Variants in FAM193A observed in about 807,000 individuals in gnomAD.
FAM193A encodes the protein protein FAM193A.
A neutral mutation model predicts 126.5 loss-of-function variants in FAM193A; 22 were observed. That is an observed-to-expected ratio of 0.17 (90% CI 0.12 to 0.25). The LOEUF (loss-of-function observed/expected upper bound fraction) is 0.25. Among genes scored for constraint, FAM193A ranks in the 10% least tolerant of loss-of-function variants. FAM193A has a pLI of 1.00. For missense variants in FAM193A, 1,675 were observed against 1,672.8 expected (o/e 1.00, Z -0.02); for synonymous variants, 761 against 646.8 (o/e 1.18, Z -2.68).
chr4:2,636,820 C>CT (rs1374817397), intron 5 of FAM193A, among the ~76,000 whole-genome samples: 1 of 152,158 alleles, frequency 6.6e-6, no homozygotes, highest in Non-Finnish European at 1.5e-5. Flanking sequence ...TGTTAATTTG[C>CT]TGTGCAAACT....
intron 1 of FAM193A, among the ~76,000 whole-genome samples, chr4:2,579,709 C>CAA (rs551107178): frequency 7.2e-6 from 1 of 139,596 alleles, no homozygotes; most frequent in Non-Finnish European, 1.6e-5. Flanking sequence ...AAAAACAAAA[C>CAA]AAAAAAAAAC....
Position 2,549,094 on chromosome 4 carries a change from A to G in FAM193A, c.255+11924A>G, listed in dbSNP as rs544320666. Reference sequence around the variant, plus strand: ...CTGGAATTAACAGGCGTGTGCCATCATGCCTGGCTAATTTTTGTATATTTA... The same window carrying G: ...CTGGAATTAACAGGCGTGTGCCATCGTGCCTGGCTAATTTTTGTATATTTA... On this transcript the variant is annotated intron_variant, in intron 1 of 20. Transcript: ENST00000637812. 6.6e-5 allele frequency among the ~76,000 whole-genome samples: 10 copies of G among 150,378 alleles called. No individual in the cohort carries two copies. In the South Asian group the frequency reaches 2.1e-3, roughly 32 times the overall value.
intron 1 of FAM193A, among the ~76,000 whole-genome samples, chr4:2,552,198 A>G (rs1009754334): frequency 1.3e-4 from 19 of 151,906 alleles, no homozygotes; most frequent in Middle Eastern, 6.8e-3. Flanking sequence ...TTTTTAGTAG[A>G]GACGGGGTTT....
rs1238289626 is a variant in FAM193A, at chr4:2,731,816, C to CT, written c.4497dup (p.Ile1500TyrfsTer7). On this transcript the variant is annotated frameshift_variant, in exon 21 of 21. Coordinates refer to ENST00000637812, the MANE Select transcript of FAM193A (RefSeq NM_001366318.2). LOFTEE classifies it high-confidence loss of function. Reference sequence around the variant, plus strand: ...GCTAGACAGACCCGACAAAGACTGTCTATCAACTGGTCCAATTTTAGCTTG... The same window carrying CT: ...GCTAGACAGACCCGACAAAGACTGTCTTATCAACTGGTCCAATTTTAGCTTG... 1 of 1,614,070 alleles carries CT rather than the reference C, an allele frequency of 6.2e-7. No homozygotes were observed. Among genetic ancestry groups the CT allele is most frequent in the Non-Finnish European group, 8.5e-7 (1 of 1,180,032 alleles).
At chr4:2,670,134 T>A (rs1713622992) in intron 12 of FAM193A, among the ~76,000 whole-genome samples, 1 of 152,198 alleles carries the variant, frequency 6.6e-6, no homozygotes, top group East Asian at 1.9e-4. Context: ...TCCCCTCATC[T>A]CTTCTCTCTC....
intron 1 of FAM193A, among the ~76,000 whole-genome samples, chr4:2,592,896 G>A (rs1401851015): frequency 6.6e-6 from 1 of 152,162 alleles, no homozygotes; most frequent in African/African-American, 2.4e-5. Context: ...AGCTCACACA[G>A]GGCCAGGAGC....
At chr4:2,584,902 C>T (rs561061854) in intron 1 of FAM193A, among the ~76,000 whole-genome samples, 34 of 151,544 alleles carry the variant, frequency 2.2e-4, no homozygotes, top group Admixed American at 2.0e-3. Context: ...TCCAGCCTGG[C>T]GACAGAGCAA....
At chr4:2,682,143 C>T (rs1715217576) in intron 13 of FAM193A, among the ~76,000 whole-genome samples, 1 of 151,964 alleles carries the variant, frequency 6.6e-6, no homozygotes, top group South Asian at 2.1e-4. Context: ...CACCACCATG[C>T]CCGGCTAATT....
chr4:2,668,477 C>G (rs1049999814), intron 12 of FAM193A, among the ~76,000 whole-genome samples: 6 of 152,092 alleles, frequency 3.9e-5, no homozygotes, highest in African/African-American at 1.4e-4. Flanking sequence ...TCCCAAAGTG[C>G]TGAGATTACA....
At position 2,690,870 on chromosome 4, in the gene FAM193A, GGCCACGTCATCA is replaced by G. The variant is rs781145680; in HGVS notation, c.2712_2723del (p.Ala906_Ser909del). ...TCATGGAAGCAAATAAAGTTGTCAT[GGCCACGTCATCA>G]GCCACGTCCTCTGTGTCCTGCACAG... On this transcript the variant is annotated inframe_deletion, in exon 15 of 21. Coordinates refer to ENST00000637812, the MANE Select transcript of FAM193A (RefSeq NM_001366318.2). 9.3e-6 allele frequency: 15 copies of G among 1,614,030 alleles called. No homozygotes were observed. Among genetic ancestry groups the G allele is most frequent in the Admixed American group, 1.7e-5 (1 of 59,998 alleles).
intron 20 of FAM193A, among the ~76,000 whole-genome samples, chr4:2,721,088 T>C (rs4690029): frequency 0.48 from 71,986 of 151,492 alleles, 17,584 homozygotes; most frequent in Admixed American, 0.58. Flanking sequence ...CCGAGGCAGG[T>C]GGATCACGAG....
At chr4:2,607,684 A>G (rs1186102730) in intron 2 of FAM193A, among the ~76,000 whole-genome samples, 1 of 152,210 alleles carries the variant, frequency 6.6e-6, no homozygotes, top group Non-Finnish European at 1.5e-5. Context: ...TATCAATGAT[A>G]TGTTCAGGTT....
chr4:2,719,849 A>T (rs563019563), intron 20 of FAM193A: 78 of 148,126 alleles, frequency 5.3e-4, no homozygotes, highest in Admixed American at 8.8e-4. Flanking sequence ...GAGTGCCATG[A>T]CACAATCACT....
At chr4:2,593,949 T>A (rs1019309977) in intron 1 of FAM193A, among the ~76,000 whole-genome samples, 20 of 151,298 alleles carry the variant, frequency 1.3e-4, no homozygotes, top group African/African-American at 4.9e-4. Context: ...TGGTACTCGG[T>A]GGTTTGAGTA....
At position 2,699,797 on chromosome 4, in the gene FAM193A, A is replaced by C. The variant is rs140794919; in HGVS notation, c.3625A>C (p.Lys1209Gln). The C allele has an allele frequency of 7.9e-5, 128 of 1,613,802 alleles. No individual in the cohort carries two copies. Among genetic ancestry groups the C allele is most frequent in the Non-Finnish European group, 9.6e-5 (113 of 1,179,918 alleles). ...TGAGGAAGAAGAGGAGGATCGTTTC[A>C]AGGAGGAATTTCAGCGGCTTCAGGA... is the stretch of plus-strand genomic sequence containing the variant. Reference protein sequence around the residue: ...EDEEEEEDRFKEEFQRLQELQ... With the variant: ...EDEEEEEDRFQEEFQRLQELQ... The change falls in exon 19 of 21, where the codon AAG becomes CAG. Residue 1209 changes from lysine to glutamine, a missense_variant. Coordinates refer to ENST00000637812, the MANE Select transcript of FAM193A (RefSeq NM_001366318.2).
chr4:2,643,532 C>T (rs1038404739), intron 6 of FAM193A, among the ~76,000 whole-genome samples: 14 of 81,734 alleles, frequency 1.7e-4, no homozygotes, highest in African/African-American at 9.5e-4. Flanking sequence ...TTTCCTCACC[C>T]GAAACAGTAA....
chr4:2,586,651 T>G (rs991023118), intron 1 of FAM193A, among the ~76,000 whole-genome samples: 2 of 152,162 alleles, frequency 1.3e-5, no homozygotes, highest in African/African-American at 4.8e-5. Context: ...CTCTGAATTA[T>G]TATAGCATTT....
intron 1 of FAM193A, among the ~76,000 whole-genome samples, chr4:2,548,931 G>GT (rs761240512): frequency 3.7e-4 from 55 of 150,198 alleles, no homozygotes; most frequent in Non-Finnish European, 6.7e-4. Flanking sequence ...TTACTTTTTT[G>GT]TTTTTTTTGT....
chr4:2,728,895 A>ATTTTTTTTTTTTT (rs1491485597), intron 20 of FAM193A, among the ~76,000 whole-genome samples: 5 of 105,710 alleles, frequency 4.7e-5, no homozygotes, highest in Non-Finnish European at 7.2e-5. Flanking sequence ...CACCTCCAAA[A>ATTTTTTTTTTTTT]CTTTTTTTTT....
Sources: gnomAD v4.1 joint callset for allele counts (sites outside exome capture counted in the v4.1 genomes callset) on GRCh38, gnomAD v4.1.1 for gene constraint, MANE v1.5 for transcripts, NCBI Gene and HGNC (gene_info 2026-07-23, HGNC 2026-07-21) for gene names.